Variants in SLC39A9 observed in about 807,000 individuals in gnomAD.
SLC39A9 encodes zinc transporter ZIP9.
Under a neutral mutation model 28.4 loss-of-function variants are expected in SLC39A9, and 14 were observed. The ratio of observed to expected loss-of-function variants is 0.49; its 90% CI spans 0.33 to 0.77. The LOEUF is 0.77. Ranked by LOEUF, SLC39A9 falls within the 30% of genes least tolerant of loss-of-function variation. The pLI is 0.02. For missense variants in SLC39A9, 283 were observed against 381.1 expected (o/e 0.74, Z 2.14); for synonymous variants, 119 against 149.6 (o/e 0.80, Z 1.49).
At chr14:69,418,531 A>C (rs900472422) in intron 1 of SLC39A9, among the ~76,000 whole-genome samples, 3 of 152,114 alleles carry the variant, frequency 2.0e-5, no homozygotes, top group African/African-American at 7.2e-5. Context: ...TATTGATTGA[A>C]ATAGGGTTTC....
intron 1 of SLC39A9, among the ~76,000 whole-genome samples, chr14:69,408,684 A>C (rs908926373): frequency 6.6e-6 from 1 of 152,184 alleles, no homozygotes; most frequent in Non-Finnish European, 1.5e-5. Context: ...CGTGGGCCAA[A>C]CAACCCATGT....
intron 2 of SLC39A9, among the ~76,000 whole-genome samples, chr14:69,441,574 A>G (rs1001676305): frequency 5.9e-5 from 9 of 152,146 alleles, no homozygotes; most frequent in Non-Finnish European, 1.3e-4. Context: ...GTCTGCTGAT[A>G]TTTTATAAAG....
chr14:69,454,189 C>T (rs543867574), intron 4 of SLC39A9, among the ~76,000 whole-genome samples: 1 of 152,320 alleles, frequency 6.6e-6, no homozygotes, highest in South Asian at 2.1e-4. Flanking sequence ...GTATAATATG[C>T]TTTTCTAACA....
intron 2 of SLC39A9, among the ~76,000 whole-genome samples, chr14:69,436,945 G>A (rs1202321640): frequency 2.0e-5 from 3 of 152,118 alleles, no homozygotes; most frequent in South Asian, 2.1e-4. Context: ...GGGATCCCTT[G>A]CTAGCTCCGC....
intron 1 of SLC39A9, among the ~76,000 whole-genome samples, chr14:69,408,831 C>G (rs545449576): frequency 6.6e-6 from 1 of 152,178 alleles, no homozygotes; most frequent in African/African-American, 2.4e-5. Context: ...TGAATTATTA[C>G]ACAACGTCAA....
intron 1 of SLC39A9, among the ~76,000 whole-genome samples, chr14:69,411,699 G>A (rs527358484): frequency 8.3e-4 from 126 of 151,422 alleles, no homozygotes; most frequent in Middle Eastern, 3.4e-3. Context: ...TTGTGTGAAA[G>A]AATACAGCCA....
At chr14:69,408,681 C>T in intron 1 of SLC39A9, among the ~76,000 whole-genome samples, 1 of 152,124 alleles carries the variant, frequency 6.6e-6, no homozygotes, top group Non-Finnish European at 1.5e-5. Flanking sequence ...GTGCGTGGGC[C>T]AAACAACCCA....
At chr14:69,438,636 T>C (rs1006474383) in intron 2 of SLC39A9, among the ~76,000 whole-genome samples, 17 of 152,256 alleles carry the variant, frequency 1.1e-4, no homozygotes, top group Non-Finnish European at 1.5e-5. Flanking sequence ...ACTTCAAAGA[T>C]TGTTGGGTAA....
chr14:69,423,489 T>A (rs955617603), intron 1 of SLC39A9, among the ~76,000 whole-genome samples: 22 of 152,342 alleles, frequency 1.4e-4, no homozygotes, highest in African/African-American at 5.1e-4. Flanking sequence ...AATGCCAAAC[T>A]GTAGTCTCCA....
At chr14:69,432,740 G>A (rs1019907197) in intron 2 of SLC39A9, among the ~76,000 whole-genome samples, 1 of 152,098 alleles carries the variant, frequency 6.6e-6, no homozygotes, top group Non-Finnish European at 1.5e-5. Context: ...TAAAAGGTAG[G>A]GGTCCAGTTT....
chr14:69,446,884 AAAAAAG>A (rs1885335106), intron 3 of SLC39A9, among the ~76,000 whole-genome samples: 1 of 148,546 alleles, frequency 6.7e-6, no homozygotes, highest in African/African-American at 2.5e-5. Flanking sequence ...AAAAAAAAAA[AAAAAAG>A]AAAAAGAAAA....
At chr14:69,446,646 G>A (rs1010677197) in intron 3 of SLC39A9, among the ~76,000 whole-genome samples, 1 of 152,000 alleles carries the variant, frequency 6.6e-6, no homozygotes, top group Non-Finnish European at 1.5e-5. Flanking sequence ...GCCTAGGCGG[G>A]TGCATCACCT....
At chr14:69,410,029 A>G (rs1032948355) in intron 1 of SLC39A9, among the ~76,000 whole-genome samples, 2 of 152,286 alleles carry the variant, frequency 1.3e-5, no homozygotes, top group African/African-American at 4.8e-5. Flanking sequence ...ATTTGTTGGC[A>G]ATGCTTTTCC....
chr14:69,456,005 A>G, intron 6 of SLC39A9, 139 bp downstream of exon 6: 1 of 979,774 alleles, frequency 1.0e-6, no homozygotes, highest in Non-Finnish European at 1.5e-6. Flanking sequence ...TACAGGGTAA[A>G]TATCTTAATT....
chr14:69,438,374 A>G (rs976554019), intron 2 of SLC39A9, among the ~76,000 whole-genome samples: 1 of 152,162 alleles, frequency 6.6e-6, no homozygotes, highest in African/African-American at 2.4e-5. Flanking sequence ...TTCAAGAAAG[A>G]CGTTTGTATA....
At position 69,461,156 on chromosome 14, in the gene SLC39A9, A is replaced by G. The variant is rs1237620319; in HGVS notation, c.*2563A>G. ...CAGATGGAATTATTGGCTACCAAAG[A>G]GACGCAATTGATGATGAGAAGCATG... On this transcript the variant is annotated 3_prime_UTR_variant, in exon 7 of 7. Transcript: ENST00000336643. 1 of 987,132 alleles carries G rather than the reference A, an allele frequency of 1.0e-6. No individual in the cohort carries two copies. Among genetic ancestry groups the G allele is most frequent in the Non-Finnish European group, 1.2e-6 (1 of 831,132 alleles). 61.1% of individuals were successfully genotyped at this position (987,132 alleles called of 1,614,324 possible).
rs147329523 is a variant in SLC39A9 at position 69,461,357 on chromosome 14, T to A, written c.*2764T>A. 206 of 1,115,272 alleles carry A rather than the reference T, an allele frequency of 1.8e-4. No individual in the cohort carries two copies. In the African/African-American group the frequency reaches 2.4e-3, roughly 13 times the overall value. 69.1% of individuals were successfully genotyped at this position (1,115,272 alleles called of 1,614,324 possible). On this transcript the variant is annotated 3_prime_UTR_variant, in exon 7 of 7. Transcript: ENST00000336643. ...CAGTTAATTGCTTGTCAGTTCCATT[T>A]CAAGAAAGCAGTGATGTTCCAGGTT...
intron 3 of SLC39A9, among the ~76,000 whole-genome samples, chr14:69,443,430 A>G (rs555359973): frequency 5.4e-4 from 82 of 152,360 alleles, no homozygotes; most frequent in Non-Finnish European, 8.5e-4. Context: ...CAGCAGTTCT[A>G]TAAGTCCTTA....
rs1566929234 is a variant in SLC39A9, at chr14:69,460,836, G to A, written c.*2243G>A. The stretch of plus-strand genomic sequence containing the variant: ...CCAGATTTTAAAGCTGCTGCCTCGA[G>A]AACTACTCATTTCTCTCCTGGTCAG... On this transcript the variant is annotated 3_prime_UTR_variant, in exon 7 of 7. Transcript: ENST00000336643. 1.0e-6 allele frequency: 1 copy of A among 985,416 alleles called. No homozygotes were observed. Among genetic ancestry groups the A allele is most frequent in the Non-Finnish European group, 1.2e-6 (1 of 829,944 alleles). The allele number at this position is 985,416 out of a possible 1,614,324, so 61.0% of individuals were successfully genotyped here.
Sources: gnomAD v4.1 joint callset for allele counts (sites outside exome capture counted in the v4.1 genomes callset) on GRCh38, gnomAD v4.1.1 for gene constraint, MANE v1.5 for transcripts, NCBI Gene and HGNC (gene_info 2026-07-23, HGNC 2026-07-21) for gene names.